KAZN: variants seen among roughly 807,000 people sequenced by gnomAD.
KAZN encodes the protein kazrin, periplakin interacting protein, also known as kazrin.
Under a neutral mutation model 87.4 loss-of-function variants are expected in KAZN, and 40 were observed. That is an observed-to-expected ratio of 0.46 (90% confidence interval 0.36 to 0.60). The LOEUF (loss-of-function observed/expected upper bound fraction) is 0.60, where lower values mean the gene tolerates loss of function less well. Among genes scored for constraint, KAZN ranks in the 20% least tolerant of loss-of-function variants. The pLI is 0.00. For synonymous variants in KAZN, 466 were observed against 458.3 expected, an observed-to-expected ratio of 1.02 and a Z score of -0.22; for missense variants, 898 against 1,073.9, an observed-to-expected ratio of 0.84 and a Z score of 2.29.
chr1:15,048,602 T>C (rs1673858251), intron 4 of KAZN, among the ~76,000 whole-genome samples: 1 of 134,514 alleles, frequency 7.4e-6, no homozygotes, highest in African/African-American at 4.0e-5. Context: ...GGGTCGTCGG[T>C]CCTGGGTCGC....
intron 2 of KAZN, among the ~76,000 whole-genome samples, chr1:14,591,919 G>T (rs142946943): frequency 1.1e-4 from 16 of 152,162 alleles, no homozygotes; most frequent in Admixed American, 2.6e-4. Flanking sequence ...TTTCCTCCTG[G>T]TATCTTTTCT....
chr1:14,950,888 G>A (rs1662397634), intron 1 of KAZN, among the ~76,000 whole-genome samples: 2 of 152,130 alleles, frequency 1.3e-5, no homozygotes, highest in Admixed American at 1.3e-4. Flanking sequence ...CAGGGCTTTT[G>A]TCTACCTGCA....
intron 2 of KAZN, among the ~76,000 whole-genome samples, chr1:14,353,292 T>C (rs1658709773): frequency 6.6e-6 from 1 of 151,704 alleles, no homozygotes; most frequent in Non-Finnish European, 1.5e-5. Context: ...TGGCGCGATC[T>C]TGGCTCACTG....
chr1:14,460,364 C>A (rs1667791173), intron 2 of KAZN, among the ~76,000 whole-genome samples: 1 of 152,234 alleles, frequency 6.6e-6, no homozygotes, highest in Non-Finnish European at 1.5e-5. Context: ...GCCCAGCTGG[C>A]AGGCCCTACA....
intron 2 of KAZN, among the ~76,000 whole-genome samples, chr1:14,552,902 T>C (rs756902211): frequency 7.2e-5 from 11 of 151,996 alleles, no homozygotes; most frequent in Non-Finnish European, 1.6e-4. Flanking sequence ...TGTGAGACAA[T>C]AAGGCTGGTG....
chr1:13,932,060 G>A (rs1395897809), intron 1 of KAZN, among the ~76,000 whole-genome samples: 1 of 130,352 alleles, frequency 7.7e-6, no homozygotes, highest in Non-Finnish European at 1.6e-5. Context: ...GTTTCACCAT[G>A]TTGGCCAGGC....
chr1:14,198,044 T>A (rs1004241103), intron 2 of KAZN, among the ~76,000 whole-genome samples: 10 of 152,230 alleles, frequency 6.6e-5, no homozygotes, highest in Non-Finnish European at 1.0e-4. Flanking sequence ...TAGTAGTAGT[T>A]GTTGTAGTCG....
At chr1:14,885,096 C>T (rs1653883803) in intron 1 of KAZN, among the ~76,000 whole-genome samples, 2 of 152,086 alleles carry the variant, frequency 1.3e-5, no homozygotes, top group African/African-American at 4.8e-5. Context: ...AAGTCTTCTC[C>T]GAAAAACACT....
intron 1 of KAZN, among the ~76,000 whole-genome samples, chr1:14,698,307 C>A (rs1641727555): frequency 6.6e-6 from 1 of 152,138 alleles, no homozygotes; most frequent in Non-Finnish European, 1.5e-5. Flanking sequence ...GAATAAAGTG[C>A]CCAGGGGTGG....
At chr1:13,897,213 A>G (rs1639078099) in intron 1 of KAZN, among the ~76,000 whole-genome samples, 1 of 152,100 alleles carries the variant, frequency 6.6e-6, no homozygotes, top group Non-Finnish European at 1.5e-5. Flanking sequence ...TCAAGTAGTC[A>G]TGAGTGAAAC....
chr1:13,940,538 G>A (rs554839941), intron 1 of KAZN, among the ~76,000 whole-genome samples: 60 of 152,012 alleles, frequency 3.9e-4, no homozygotes, highest in Non-Finnish European at 6.5e-4. Flanking sequence ...TTCAGTTCTA[G>A]TTTTCTGATG....
intron 2 of KAZN, among the ~76,000 whole-genome samples, chr1:14,471,073 A>AC (rs1668430340): frequency 6.6e-6 from 1 of 152,162 alleles, no homozygotes; most frequent in Non-Finnish European, 1.5e-5. Flanking sequence ...TGCAACTCCA[A>AC]CCAATATCGT....
intron 6 of KAZN, chr1:15,063,026 C>T (rs1011843858): frequency 6.5e-6 from 1 of 154,022 alleles, no homozygotes; most frequent in African/African-American, 2.4e-5. Context: ...ATCCAATTAG[C>T]TCCACGGTAG....
chr1:14,764,220 T>C (rs1397837067), intron 1 of KAZN, among the ~76,000 whole-genome samples: 1 of 152,062 alleles, frequency 6.6e-6, no homozygotes, highest in Non-Finnish European at 1.5e-5. Context: ...CTCAGGCCTT[T>C]GCATGGGCTG....
At chr1:13,943,147 A>T (rs954385404) in intron 1 of KAZN, among the ~76,000 whole-genome samples, 5 of 152,242 alleles carry the variant, frequency 3.3e-5, no homozygotes. Context: ...AAGTACAAAG[A>T]AGACTACTGT....
At chr1:15,109,341 C>T (rs1641406089) in intron 13 of KAZN, among the ~76,000 whole-genome samples, 1 of 152,130 alleles carries the variant, frequency 6.6e-6, no homozygotes, top group Admixed American at 6.5e-5. Context: ...TGCACTCCAG[C>T]CTGGGCAACA....
intron 2 of KAZN, among the ~76,000 whole-genome samples, chr1:14,227,938 T>C (rs916822617): frequency 3.3e-5 from 5 of 152,200 alleles, no homozygotes; most frequent in African/African-American, 1.2e-4. Context: ...TGCTGCTTTG[T>C]TGTATACTTA....
At chr1:14,313,903 A>G (rs187015842) in intron 2 of KAZN, among the ~76,000 whole-genome samples, 28 of 144,820 alleles carry the variant, frequency 1.9e-4, no homozygotes, top group African/African-American at 7.2e-4. Flanking sequence ...TAAATGTAGG[A>G]AAAAAAATGA....
intron 1 of KAZN, among the ~76,000 whole-genome samples, chr1:14,634,128 G>A (rs1168239490): frequency 1.3e-5 from 2 of 152,076 alleles, no homozygotes; most frequent in African/African-American, 4.8e-5. Context: ...TCCTATTACT[G>A]TCACAAGGAG....
Sources: allele counts gnomAD v4.1 joint callset (sites outside exome capture counted in the v4.1 genomes callset), GRCh38; gene constraint gnomAD v4.1.1; transcripts MANE v1.5; gene names NCBI Gene and HGNC (gene_info 2026-07-23, HGNC 2026-07-21).